The following RAB21 variants were observed in gnomAD, a reference collection of about 807,000 sequenced individuals.
RAB21 encodes the protein ras-related protein Rab-21.
A neutral mutation model predicts 33.1 loss-of-function variants in RAB21; 13 were observed. The observed-to-expected ratio is 0.39, with a 90% CI of 0.26 to 0.62. RAB21 has a LOEUF of 0.62. Among genes scored for constraint, RAB21 ranks in the 20% least tolerant of loss-of-function variants. The pLI is 0.48. For missense variants in RAB21, 234 were observed against 279.1 expected (o/e 0.84, Z 1.15); for synonymous variants, 91 against 103.7 (o/e 0.88, Z 0.74).
intron 1 of RAB21, among the ~76,000 whole-genome samples, chr12:71,764,779 A>G (rs368990992): frequency 3.9e-5 from 6 of 152,278 alleles, no homozygotes; most frequent in Admixed American, 6.5e-5. Context: ...GCTGTAAAAG[A>G]CATTATTTCA....
chr12:71,764,724 T>G (rs1172984963), intron 1 of RAB21, among the ~76,000 whole-genome samples: 1 of 152,190 alleles, frequency 6.6e-6, no homozygotes, highest in Non-Finnish European at 1.5e-5. Flanking sequence ...TTTCCATTCT[T>G]GAGCTACTTC....
At chr12:71,756,638 C>T (rs975102958) in intron 1 of RAB21, among the ~76,000 whole-genome samples, 2 of 152,124 alleles carry the variant, frequency 1.3e-5, no homozygotes, top group African/African-American at 2.4e-5. Context: ...ATCCTTGTAC[C>T]AGAACACTGA....
rs552671530 is a variant in RAB21 at position 71,754,888 on chromosome 12, G to A, written c.-242G>A. 7.4e-4 allele frequency: 139 copies of A among 187,124 alleles called. No individual in the cohort carries two copies. The highest frequency in any genetic ancestry group is 1.1e-3 in the Non-Finnish European group (112 of 98,392). The allele number at this position is 187,124 out of a possible 1,614,324, so 11.6% of individuals were successfully genotyped here. A position where few individuals can be genotyped will look rare whatever the true frequency, so the allele number is the denominator to read the frequency against. On this transcript the variant is annotated 5_prime_UTR_variant, in exon 1 of 7. Coordinates refer to ENST00000261263, the MANE Select transcript of RAB21 (RefSeq NM_014999.4). ...GTAGGAGGAAGGAGACGCCATTAGA[G>A]GGAGGCAGAGAGGGATCGTTCTTCG...
Position 71,787,141 on chromosome 12 carries a change from CT to C in RAB21, c.*1469del, listed in dbSNP as rs758037817. On this transcript the variant is annotated 3_prime_UTR_variant, in exon 7 of 7. Coordinates refer to ENST00000261263, the MANE Select transcript of RAB21 (RefSeq NM_014999.4). ...AATGTTCTGTTTCATTTTACAAGAA[CT>C]ATCCTGAGTTTCTGTGGATGGAAAC... 6.6e-6 allele frequency: 1 copy of C among 152,178 alleles called. No individual in the cohort carries two copies. The highest frequency in any genetic ancestry group is 1.5e-5 in the Non-Finnish European group (1 of 68,026). 9.4% of individuals were successfully genotyped at this position (152,178 alleles called of 1,614,324 possible).
rs1883219800 is a variant in RAB21 at position 71,782,671 on chromosome 12, A to G, written c.535+13A>G. 7 of 1,518,048 alleles carry G rather than the reference A, an allele frequency of 4.6e-6. No homozygotes were observed. Among genetic ancestry groups the G allele is most frequent in the Admixed American group, 2.0e-5 (1 of 50,696 alleles). The allele number at this position is 1,518,048 out of a possible 1,614,324, so 94.0% of individuals were successfully genotyped here. A position where few individuals can be genotyped will look rare whatever the true frequency, so the allele number is the denominator to read the frequency against. ...GACCTTTGTAAAAGTAGGTATATTC[A>G]GATTTAGTTTGTTTAGAAATGGTTT... On this transcript the variant is annotated intron_variant, in intron 6 of 6. Transcript: ENST00000261263.
Position 71,791,476 on chromosome 12 carries a change from G to A in RAB21, c.*5803G>A, listed in dbSNP as rs1251241277. On this transcript the variant is annotated 3_prime_UTR_variant, in exon 7 of 7. Transcript: ENST00000261263. ...TTAGCAGATTCTTTTATCAGAATAC[G>A]TTTTTTATTGGAGGGAAGAAGGAAA... The A allele has an allele frequency of 1.3e-5, 2 of 152,112 alleles. No homozygotes were observed. The highest frequency in any genetic ancestry group is 2.4e-5 in the African/African-American group (1 of 41,422). The allele number at this position is 152,112 out of a possible 1,614,324, so 9.4% of individuals were successfully genotyped here.
rs945330012 is a variant in RAB21 at position 71,760,766 on chromosome 12, A to G, written c.159+5478A>G. On this transcript the variant is annotated intron_variant, in intron 1 of 6. Coordinates refer to ENST00000261263, the MANE Select transcript of RAB21 (RefSeq NM_014999.4). Reference sequence around the variant, plus strand: ...GCTTATTGAAGATTAATCAAGATCAACAGTCCCCTTTCTTTTTAGAGTCCC... The same window carrying G: ...GCTTATTGAAGATTAATCAAGATCAGCAGTCCCCTTTCTTTTTAGAGTCCC... Among the ~76,000 whole-genome samples the G allele has an allele frequency of 2.6e-5, 4 of 152,016 alleles. No homozygotes were observed. The East Asian group carries it at 5.8e-4, about 22-fold the overall frequency.
rs1487360428 is a variant in RAB21, at chr12:71,787,521, AT to A, written c.*1850del. On this transcript the variant is annotated 3_prime_UTR_variant, in exon 7 of 7. Transcript: ENST00000261263. The stretch of plus-strand genomic sequence containing the variant: ...TGAGCAATTAAGAGGCTATAAAGAG[AT>A]TATAGTTACAAAAGAAATACTGCCA... The A allele has an allele frequency of 6.6e-6, 1 of 152,156 alleles. No homozygotes were observed. The highest frequency in any genetic ancestry group is 6.5e-5 in the Admixed American group (1 of 15,284). 9.4% of individuals were successfully genotyped at this position (152,156 alleles called of 1,614,324 possible).
rs114687431 is a variant in RAB21, at chr12:71,772,579, T to A, written c.328-1380T>A. On this transcript the variant is annotated intron_variant, in intron 3 of 6. Transcript: ENST00000261263. Reference sequence around the variant, plus strand: ...TTGAAATGACTAACAAGCTTTTTTTTAAAAAAATTGATCAGATTAGTAGGT... The same window carrying A: ...TTGAAATGACTAACAAGCTTTTTTTAAAAAAAATTGATCAGATTAGTAGGT... Among the ~76,000 whole-genome samples, 1,273 of 152,152 alleles carry A rather than the reference T, an allele frequency of 8.4e-3. 15 individuals are homozygous for A. Among genetic ancestry groups the A allele is most frequent in the African/African-American group, 0.027 (1,134 of 41,498 alleles).
In RAB21 at chr12:71,794,405, T is replaced by TTATATATATATATA. The variant is rs1197587877; in HGVS notation, c.*8742_*8755dup. 1.4e-4 allele frequency: 7 copies of TTATATATATATATA among 51,064 alleles called. No homozygotes were observed. The highest frequency in any genetic ancestry group is 6.4e-4 in the African/African-American group (6 of 9,376). 3.2% of individuals were successfully genotyped at this position (51,064 alleles called of 1,614,324 possible). A position where few individuals can be genotyped will look rare whatever the true frequency, so the allele number is the denominator to read the frequency against. ...AAAACAAAACAAAACCATATATATA[T>TTATATATATATATA]TATATATATATATATATATATATTT... is the stretch of plus-strand genomic sequence containing the variant. On this transcript the variant is annotated 3_prime_UTR_variant, in exon 7 of 7. Coordinates refer to ENST00000261263, the MANE Select transcript of RAB21 (RefSeq NM_014999.4).
intron 4 of RAB21, among the ~76,000 whole-genome samples, chr12:71,781,654 A>C (rs1883203115): frequency 6.6e-6 from 1 of 152,218 alleles, no homozygotes; most frequent in Non-Finnish European, 1.5e-5. Flanking sequence ...GACCGGCTCT[A>C]AGTTAATGGG....
In RAB21 at chr12:71,785,449, A is replaced by G. The variant is rs149900792; in HGVS notation, c.536-82A>G. The stretch of plus-strand genomic sequence containing the variant: ...TGTTGGTCGAAAGTCAGAAATAGCT[A>G]TCATAGTGTTATACTGAAATTTTAG... On this transcript the variant is annotated intron_variant, in intron 6 of 6. Coordinates refer to ENST00000261263, the MANE Select transcript of RAB21 (RefSeq NM_014999.4). The G allele has an allele frequency of 1.0e-3, 1,478 of 1,482,370 alleles. 17 individuals carry two copies. The African/African-American group carries it at 0.019, about 19-fold the overall frequency. 91.8% of individuals were successfully genotyped at this position (1,482,370 alleles called of 1,614,324 possible). A position where few individuals can be genotyped will look rare whatever the true frequency, so the allele number is the denominator to read the frequency against.
At chr12:71,764,967 A>G (rs531483236) in intron 1 of RAB21, among the ~76,000 whole-genome samples, 13 of 152,122 alleles carry the variant, frequency 8.5e-5, no homozygotes, top group Non-Finnish European at 1.6e-4. Context: ...TTGGGTAAAT[A>G]CTCAGTAGTG....
Position 71,785,571 on chromosome 12 carries a change from C to T in RAB21, c.576C>T (p.Gly192=). 6.2e-7 allele frequency: 1 copy of T among 1,614,164 alleles called. No individual in the cohort carries two copies. Among genetic ancestry groups the T allele is most frequent in the Non-Finnish European group, 8.5e-7 (1 of 1,180,010 alleles). ...ETAQVDERAK[G]NGSSQPGTAR... is the part of the protein sequence containing the mutation. Reference sequence around the variant, plus strand: ...CACAAGTGGATGAGAGAGCAAAAGGCAATGGCTCTAGTCAGCCGGGAACTG... The same window carrying T: ...CACAAGTGGATGAGAGAGCAAAAGGTAATGGCTCTAGTCAGCCGGGAACTG... The change falls in exon 7 of 7, where the codon GGC becomes GGT. Residue 192 remains glycine, a synonymous_variant. Coordinates refer to ENST00000261263, the MANE Select transcript of RAB21 (RefSeq NM_014999.4).
chr12:71,772,871 T>G (rs1156803104), intron 3 of RAB21, among the ~76,000 whole-genome samples: 1 of 152,210 alleles, frequency 6.6e-6, no homozygotes, highest in Non-Finnish European at 1.5e-5. Flanking sequence ...TAACTACCTT[T>G]GCTTTTATAA....
chr12:71,788,136 A>G lies in RAB21; in HGVS notation c.*2463A>G, dbSNP rs1182719057. The G allele has an allele frequency of 1.3e-5, 2 of 152,132 alleles. No individual in the cohort carries two copies. The highest frequency in any genetic ancestry group is 6.5e-5 in the Admixed American group (1 of 15,274). 9.4% of individuals were successfully genotyped at this position (152,132 alleles called of 1,614,324 possible). On this transcript the variant is annotated 3_prime_UTR_variant, in exon 7 of 7. Coordinates refer to ENST00000261263, the MANE Select transcript of RAB21 (RefSeq NM_014999.4). ...CCATCTCGTAAAAGGCACAAAAACT[A>G]GTTAGAGATGAAATTGAGCTTTATT...
At chr12:71,783,616 C>G (rs78644393) in intron 6 of RAB21, among the ~76,000 whole-genome samples, 6,493 of 152,188 alleles carry the variant, frequency 0.043, 326 homozygotes, top group East Asian at 0.13. Flanking sequence ...TTGGGCTCTC[C>G]AAGCCTGCCG....
At chr12:71,781,450 C>G (rs947461623) in intron 4 of RAB21, among the ~76,000 whole-genome samples, 4 of 149,038 alleles carry the variant, frequency 2.7e-5, no homozygotes, top group Admixed American at 2.7e-4. Context: ...GCCTGGGTGA[C>G]AGAGCGAGAC....
chr12:71,756,107 A>G (rs1882781695), intron 1 of RAB21, among the ~76,000 whole-genome samples: 1 of 152,206 alleles, frequency 6.6e-6, no homozygotes, highest in African/African-American at 2.4e-5. Context: ...TGATGTTATT[A>G]GGAGAAATTT....
Sources: allele counts gnomAD v4.1 joint callset (sites outside exome capture counted in the v4.1 genomes callset), GRCh38; gene constraint gnomAD v4.1.1; transcripts MANE v1.5; gene names NCBI Gene and HGNC (gene_info 2026-07-23, HGNC 2026-07-21).